The following DNAH7 variants were observed in gnomAD, a reference collection of about 807,000 sequenced individuals.
DNAH7 encodes axonemal beta dynein heavy chain 7.
DNAH7 carries 397 observed loss-of-function variants against 444.6 expected under a neutral mutation model. That is an observed-to-expected ratio of 0.89 (90% CI 0.82 to 0.97). DNAH7 has a LOEUF of 0.97. DNAH7 is among the 50% of genes least tolerant of loss of function. The pLI is 0.00. For missense variants in DNAH7, 4,902 were observed against 4,800.8 expected (o/e 1.02, Z -0.62); for synonymous variants, 1,636 against 1,624.4 (o/e 1.01, Z -0.17).
chr2:195,873,531 CT>C, intron 39 of DNAH7, 36 bp downstream of exon 39: 1 of 1,162,848 alleles, frequency 8.6e-7, no homozygotes. Context: ...TATTTTATAC[CT>C]CCTAATTAAA....
At chr2:195,959,086 T>TTA (rs1559273975) in intron 18 of DNAH7, among the ~76,000 whole-genome samples, 136 of 151,770 alleles carry the variant, frequency 9.0e-4, no homozygotes, top group African/African-American at 2.8e-3. Flanking sequence ...TTAATTAATT[T>TTA]AATTAAATAG....
intron 64 of DNAH7, 135 bp from the exon 65 acceptor site, chr2:195,738,262 G>GTGT (rs924031682): frequency 2.0e-5 from 14 of 717,032 alleles, no homozygotes; most frequent in Non-Finnish European, 3.0e-5. Flanking sequence ...TTCACCAGCA[G>GTGT]TGTTGTTGTG....
At chr2:195,792,993 G>T (rs1371267429) in intron 57 of DNAH7, among the ~76,000 whole-genome samples, 1 of 152,114 alleles carries the variant, frequency 6.6e-6, no homozygotes, top group Non-Finnish European at 1.5e-5. Context: ...GCAGTGGGAT[G>T]ATCATGGCTC....
intron 5 of DNAH7, among the ~76,000 whole-genome samples, chr2:196,042,045 C>T (rs1696797050): frequency 6.6e-6 from 1 of 151,602 alleles, no homozygotes; most frequent in South Asian, 2.1e-4. Flanking sequence ...TGGCTATTAT[C>T]AAAAAGACAA....
At chr2:195,945,044 T>G (rs1288860305) in intron 19 of DNAH7, among the ~76,000 whole-genome samples, 1 of 151,774 alleles carries the variant, frequency 6.6e-6, no homozygotes, top group Non-Finnish European at 1.5e-5. Flanking sequence ...TGTCCTATTT[T>G]CAAGCAATAA....
chr2:196,025,355 A>G (rs1695616783), intron 7 of DNAH7, among the ~76,000 whole-genome samples: 1 of 152,164 alleles, frequency 6.6e-6, no homozygotes, highest in Non-Finnish European at 1.5e-5. Flanking sequence ...AAGAAGCTCT[A>G]ATATGCAAAT....
intron 46 of DNAH7, among the ~76,000 whole-genome samples, chr2:195,852,941 G>C (rs892098900): frequency 6.7e-6 from 1 of 148,620 alleles, no homozygotes; most frequent in African/African-American, 2.6e-5. Context: ...GAGAGAGAGA[G>C]AGAGAGACAG....
intron 12 of DNAH7, among the ~76,000 whole-genome samples, chr2:195,993,981 T>C (rs549558839): frequency 1.1e-4 from 16 of 152,362 alleles, no homozygotes; most frequent in African/African-American, 3.6e-4. Flanking sequence ...CCTGATTGCA[T>C]ATTTTTTCAT....
intron 5 of DNAH7, among the ~76,000 whole-genome samples, chr2:196,032,136 G>C (rs1696097754): frequency 6.6e-6 from 1 of 152,174 alleles, no homozygotes; most frequent in Admixed American, 6.5e-5. Flanking sequence ...GTGGTGGCGA[G>C]AGAGAAATGA....
chr2:195,741,874 C>T (rs1042175497), intron 63 of DNAH7, among the ~76,000 whole-genome samples: 1 of 152,104 alleles, frequency 6.6e-6, no homozygotes, highest in Non-Finnish European at 1.5e-5. Flanking sequence ...TATTAGTAAG[C>T]TGAACACTTG....
intron 51 of DNAH7, among the ~76,000 whole-genome samples, chr2:195,814,508 T>C (rs530285548): frequency 2.0e-4 from 31 of 152,276 alleles, no homozygotes; most frequent in Non-Finnish European, 3.2e-4. Flanking sequence ...TTTCAAAGCA[T>C]AGGATTGTTT....
chr2:195,946,574 C>T (rs1425108744), intron 19 of DNAH7, among the ~76,000 whole-genome samples: 1 of 152,172 alleles, frequency 6.6e-6, no homozygotes, highest in East Asian at 1.9e-4. Flanking sequence ...CTTCACATCA[C>T]TGACAGGAGG....
intron 5 of DNAH7, among the ~76,000 whole-genome samples, chr2:196,040,667 G>A (rs1215301973): frequency 6.6e-6 from 1 of 152,138 alleles, no homozygotes; most frequent in Non-Finnish European, 1.5e-5. Flanking sequence ...TGGAACAAGA[G>A]AAGGTTGCCA....
In DNAH7 at chr2:195,754,499, C is replaced by G. The variant is rs1021122868; in HGVS notation, c.11602G>C (p.Gly3868Arg). Reference sequence around the variant, plus strand: ...GAAAGCCAGAAGACTGGAGGAGGACCAACCTCATACCATTGCTAGGGTGTA... The same window carrying G: ...GAAAGCCAGAAGACTGGAGGAGGACGAACCTCATACCATTGCTAGGGTGTA... ...LKFLQQWYEV[G>R]PPPVFWLSGF... Residue 3868 changes from glycine (G) to arginine (R), a missense_variant, in exon 63 of 65, where the codon GGT (glycine) becomes CGT (arginine). Gly to Arg is a moderately radical substitution (Grantham distance 125). Transcript: ENST00000312428. The G allele has an allele frequency of 1.2e-6, 2 of 1,613,820 alleles. No individual in the cohort carries two copies. The highest frequency in any genetic ancestry group is 2.7e-5 in the African/African-American group (2 of 74,910).
chr2:196,000,971 G>C, intron 11 of DNAH7, 88 bp from the exon 12 acceptor site: 1 of 1,053,876 alleles, frequency 9.5e-7, no homozygotes, highest in Non-Finnish European at 1.3e-6. Context: ...GAATACATGG[G>C]AACCCACACT....
intron 24 of DNAH7, among the ~76,000 whole-genome samples, chr2:195,921,062 T>A (rs977604288): frequency 6.6e-6 from 1 of 151,998 alleles, no homozygotes; most frequent in Non-Finnish European, 1.5e-5. Flanking sequence ...AATAAAAAAA[T>A]AGATGTCAGT....
At chr2:195,885,336 G>C (rs1293650476) in intron 34 of DNAH7, among the ~76,000 whole-genome samples, 1 of 152,142 alleles carries the variant, frequency 6.6e-6, no homozygotes, top group Non-Finnish European at 1.5e-5. Flanking sequence ...AGAGGAAACA[G>C]AGTAGAAGAC....
chr2:195,851,692 C>T (rs191801871), intron 46 of DNAH7, among the ~76,000 whole-genome samples: 77 of 152,204 alleles, frequency 5.1e-4, no homozygotes, highest in African/African-American at 1.8e-3. Flanking sequence ...ATCTAGCTCT[C>T]CAAGCACTGG....
At chr2:195,745,994 T>C (rs937364428) in intron 63 of DNAH7, among the ~76,000 whole-genome samples, 1 of 152,128 alleles carries the variant, frequency 6.6e-6, no homozygotes, top group Non-Finnish European at 1.5e-5. Flanking sequence ...AATTCACACA[T>C]AACAATATTA....
Sources: allele counts gnomAD v4.1 joint callset (sites outside exome capture counted in the v4.1 genomes callset), GRCh38; gene constraint gnomAD v4.1.1; transcripts MANE v1.5; gene names NCBI Gene and HGNC (gene_info 2026-07-23, HGNC 2026-07-21).